PTPRT: variants seen among roughly 807,000 people sequenced by gnomAD.
PTPRT encodes the protein receptor-type tyrosine-protein phosphatase T.
Under a neutral mutation model 176.8 loss-of-function variants are expected in PTPRT, and 56 were observed. The observed-to-expected ratio is 0.32, with a 90% CI of 0.26 to 0.40. The LOEUF (loss-of-function observed/expected upper bound fraction) is 0.40, where lower values mean the gene tolerates loss of function less well. Among genes scored for constraint, PTPRT ranks in the 10% least tolerant of loss-of-function variants. The pLI, the probability that PTPRT is intolerant of heterozygous loss-of-function variation, is 1.00. For missense variants in PTPRT, 1,540 were observed against 1,908.2 expected, an observed-to-expected ratio of 0.81 and a Z score of 3.60; for synonymous variants, 783 against 739.0, an observed-to-expected ratio of 1.06 and a Z score of -0.96.
In PTPRT at chr20:42,775,131, TC is replaced by T. The variant is rs572689750; in HGVS notation, c.569-3582del. On this transcript the variant is annotated intron_variant, in intron 4 of 30. Coordinates refer to ENST00000373187, the MANE Select transcript of PTPRT (RefSeq NM_007050.6). ...TACTCACTCCACACTGAGACCCAAT[TC>T]CCCCCAGATGGGATGCCACTGAATG... Among the ~76,000 whole-genome samples the T allele has an allele frequency of 1.8e-3, 274 of 152,020 alleles. 1 individual carries two copies. Among genetic ancestry groups the T allele is most frequent in the Non-Finnish European group, 2.8e-3 (187 of 67,968 alleles).
At chr20:42,181,817 G>A (rs6102710) in intron 16 of PTPRT, among the ~76,000 whole-genome samples, 4,105 of 152,082 alleles carry the variant, frequency 0.027, 182 homozygotes, top group African/African-American at 0.092. Context: ...ACAGACATTA[G>A]CCAAAAAATT....
intron 1 of PTPRT, among the ~76,000 whole-genome samples, chr20:42,949,616 T>C (rs952598854): frequency 6.6e-6 from 1 of 152,218 alleles, no homozygotes; most frequent in Admixed American, 6.5e-5. Flanking sequence ...TCAAACATTA[T>C]GGAGTGGAGA....
chr20:42,470,770 G>A (rs1370555414), intron 8 of PTPRT, among the ~76,000 whole-genome samples: 2 of 151,966 alleles, frequency 1.3e-5, no homozygotes, highest in Admixed American at 6.6e-5. Context: ...CAAACATGGA[G>A]GACAGGTCAT....
chr20:42,306,103 T>A (rs1484640220), intron 12 of PTPRT, among the ~76,000 whole-genome samples: 1 of 152,168 alleles, frequency 6.6e-6, no homozygotes, highest in Non-Finnish European at 1.5e-5. Context: ...TATATTTGCA[T>A]GGGAAGGAAA....
intron 7 of PTPRT, among the ~76,000 whole-genome samples, chr20:42,546,456 C>G (rs2072675311): frequency 6.7e-6 from 1 of 149,340 alleles, no homozygotes. Flanking sequence ...GTTTTCAATT[C>G]TAACAAACAA....
At chr20:42,389,866 A>AAG (rs1555839176) in intron 9 of PTPRT, among the ~76,000 whole-genome samples, 9,140 of 138,454 alleles carry the variant, frequency 0.066, 360 homozygotes, top group African/African-American at 0.11. Flanking sequence ...AAAAAAAAAA[A>AAG]AAAGAAAGAA....
chr20:42,415,520 C>T (rs1018548719), intron 9 of PTPRT, among the ~76,000 whole-genome samples: 1 of 152,192 alleles, frequency 6.6e-6, no homozygotes, highest in East Asian at 1.9e-4. Context: ...CCCAGTTGCT[C>T]TGCCTTTCTG....
chr20:42,609,392 A>G (rs2073936616), intron 7 of PTPRT, among the ~76,000 whole-genome samples: 1 of 152,000 alleles, frequency 6.6e-6, no homozygotes, highest in Non-Finnish European at 1.5e-5. Context: ...TTTGAATTAA[A>G]CCATTTTCAT....
chr20:43,119,060 C>T (rs907572248), intron 1 of PTPRT, among the ~76,000 whole-genome samples: 37 of 152,146 alleles, frequency 2.4e-4, no homozygotes, highest in African/African-American at 6.5e-4. Flanking sequence ...ATTAAAGGGA[C>T]GCTTGAGCAA....
intron 13 of PTPRT, among the ~76,000 whole-genome samples, chr20:42,252,860 A>C (rs1243243372): frequency 6.6e-6 from 1 of 152,268 alleles, no homozygotes; most frequent in East Asian, 1.9e-4. Context: ...CAGAGCTGAA[A>C]TCACAGACTT....
chr20:42,447,923 T>G (rs1208750890), intron 9 of PTPRT, among the ~76,000 whole-genome samples: 1 of 152,204 alleles, frequency 6.6e-6, no homozygotes, highest in Non-Finnish European at 1.5e-5. Context: ...GCCTGGGCCT[T>G]CTCTTCCACA....
intron 1 of PTPRT, among the ~76,000 whole-genome samples, chr20:42,949,988 G>A (rs1981136725): frequency 6.6e-6 from 1 of 152,216 alleles, no homozygotes; most frequent in South Asian, 2.1e-4. Flanking sequence ...GAAGGCCTGA[G>A]TGCCACTGCC....
intron 11 of PTPRT, among the ~76,000 whole-genome samples, chr20:42,331,425 T>G (rs2057962786): frequency 6.6e-6 from 1 of 152,134 alleles, no homozygotes. Flanking sequence ...AACAGTTTTT[T>G]TTTTTTTAAA....
chr20:43,165,374 G>T (rs1307690000), intron 1 of PTPRT, among the ~76,000 whole-genome samples: 1 of 152,056 alleles, frequency 6.6e-6, no homozygotes, highest in Non-Finnish European at 1.5e-5. Flanking sequence ...TGTTGGTCAG[G>T]CTGGTCTTGA....
chr20:42,181,457 G>C (rs867116148), intron 16 of PTPRT, among the ~76,000 whole-genome samples: 21 of 152,290 alleles, frequency 1.4e-4, no homozygotes, highest in Non-Finnish European at 1.2e-4. Flanking sequence ...CTAAGAAATG[G>C]AGGTGCAAAG....
chr20:43,126,072 G>A (rs1348705579), intron 1 of PTPRT, among the ~76,000 whole-genome samples: 5 of 152,102 alleles, frequency 3.3e-5, no homozygotes, highest in East Asian at 1.9e-4. Context: ...AGAAAGGACC[G>A]GGTGTGGTGG....
At chr20:42,708,729 C>A (rs988172535) in intron 6 of PTPRT, among the ~76,000 whole-genome samples, 1 of 152,196 alleles carries the variant, frequency 6.6e-6, no homozygotes, top group African/African-American at 2.4e-5. Flanking sequence ...ATAATAAAGA[C>A]ATTATGAATG....
chr20:42,702,251 A>G (rs915425643), intron 6 of PTPRT, among the ~76,000 whole-genome samples: 10 of 152,134 alleles, frequency 6.6e-5, no homozygotes, highest in Non-Finnish European at 2.9e-5. Flanking sequence ...CTATTCTGAC[A>G]GCTATTCTTT....
chr20:42,682,162 T>A (rs899372880), intron 6 of PTPRT, among the ~76,000 whole-genome samples: 1 of 152,134 alleles, frequency 6.6e-6, no homozygotes, highest in Admixed American at 6.5e-5. Flanking sequence ...AAAGAAGGCA[T>A]AAGAAAAATT....
Sources: gnomAD v4.1 joint callset for allele counts (sites outside exome capture counted in the v4.1 genomes callset) on GRCh38, gnomAD v4.1.1 for gene constraint, MANE v1.5 for transcripts, NCBI Gene and HGNC (gene_info 2026-07-23, HGNC 2026-07-21) for gene names.